LINGO2: variants seen among roughly 807,000 people sequenced by gnomAD.
LINGO2 encodes leucine rich repeat and Ig domain containing 2.
Under a neutral mutation model 30.6 loss-of-function variants are expected in LINGO2, and 14 were observed. The observed-to-expected ratio is 0.46, with a 90% CI of 0.30 to 0.72. The LOEUF (loss-of-function observed/expected upper bound fraction) is 0.72. Among genes scored for constraint, LINGO2 ranks in the 30% least tolerant of loss-of-function variants. LINGO2 has a pLI of 0.07. For synonymous variants in LINGO2, 317 were observed against 288.5 expected (o/e 1.10, Z -1.00); for missense variants, 729 against 751.7 (o/e 0.97, Z 0.35).
intron 2 of LINGO2, among the ~76,000 whole-genome samples, chr9:28,454,765 G>T (rs941065936): frequency 6.6e-6 from 1 of 151,896 alleles, no homozygotes; most frequent in African/African-American, 2.4e-5. Context: ...TTTTGCACTT[G>T]ACAGATATCA....
the LINGO2 span, among the ~76,000 whole-genome samples, chr9:28,784,483 C>A: frequency 1.3e-5 from 2 of 152,046 alleles, no homozygotes; most frequent in African/African-American, 4.8e-5. Context: ...ATCAATACAA[C>A]GGGCATGCTA....
At chr9:29,126,671 C>T in the LINGO2 span, among the ~76,000 whole-genome samples, 2 of 151,820 alleles carry the variant, frequency 1.3e-5, no homozygotes, top group Non-Finnish European at 2.9e-5. Flanking sequence ...GTAGCTTAGA[C>T]AATATGGGAA....
the LINGO2 span, among the ~76,000 whole-genome samples, chr9:28,939,171 GGCTACTTAA>G: frequency 0.018 from 1,259 of 68,812 alleles, 12 homozygotes; most frequent in Non-Finnish European, 0.029. Flanking sequence ...GCAGTTCGAA[GGCTACTTAA>G]GCTACTTAAG....
chr9:28,840,494 C>T, the LINGO2 span, among the ~76,000 whole-genome samples: 49 of 152,020 alleles, frequency 3.2e-4, no homozygotes, highest in Non-Finnish European at 5.4e-4. Flanking sequence ...ATCCCCTCCA[C>T]TGACTTCATT....
At chr9:28,254,419 C>T (rs1193142149) in intron 4 of LINGO2, among the ~76,000 whole-genome samples, 1 of 152,034 alleles carries the variant, frequency 6.6e-6, no homozygotes, top group African/African-American at 2.4e-5. Context: ...TACAATATCA[C>T]ATTTTTCAGA....
At chr9:27,947,800 A>G (rs1823425455), downstream of LINGO2, among the ~76,000 whole-genome samples, 1 of 152,208 alleles carries the variant, frequency 6.6e-6, no homozygotes, top group South Asian at 2.1e-4. Context: ...TTATTCAGAG[A>G]GCTTTTGAAC....
chr9:28,578,594 G>T (rs1009266740), intron 1 of LINGO2, among the ~76,000 whole-genome samples: 1 of 152,030 alleles, frequency 6.6e-6, no homozygotes, highest in Non-Finnish European at 1.5e-5. Flanking sequence ...CAGTTTCCTT[G>T]CTGTTAAACA....
intron 4 of LINGO2, among the ~76,000 whole-genome samples, chr9:28,053,152 T>C (rs539360995): frequency 6.6e-6 from 1 of 152,164 alleles, no homozygotes; most frequent in South Asian, 2.1e-4. Flanking sequence ...AGAATTTGAC[T>C]TGGATTCAAG....
chr9:28,849,192 A>C, the LINGO2 span, among the ~76,000 whole-genome samples: 1 of 152,016 alleles, frequency 6.6e-6, no homozygotes, highest in Non-Finnish European at 1.5e-5. Flanking sequence ...TAAAACTTAC[A>C]CACAACAAAA....
the LINGO2 span, among the ~76,000 whole-genome samples, chr9:29,084,966 G>C: frequency 1.3e-4 from 19 of 151,198 alleles, no homozygotes; most frequent in Admixed American, 4.0e-4. Flanking sequence ...CAAGTACAAG[G>C]TCAACTACAC....
the LINGO2 span, among the ~76,000 whole-genome samples, chr9:28,780,954 G>C: frequency 2.0e-5 from 3 of 150,794 alleles, no homozygotes; most frequent in South Asian, 2.1e-4. Context: ...GGAGAGAGTA[G>C]GAAATTACAG....
In LINGO2 at chr9:28,148,438, G is replaced by A. The variant is rs1827880649; in HGVS notation, c.-86-136033C>T. 7 of 1,357,840 alleles carry A rather than the reference G, an allele frequency of 5.2e-6. No individual in the cohort carries two copies. Among genetic ancestry groups the A allele is most frequent in the African/African-American group, 1.4e-5 (1 of 69,604 alleles). 84.1% of individuals were successfully genotyped at this position (1,357,840 alleles called of 1,614,324 possible). A position where few individuals can be genotyped will look rare whatever the true frequency, so the allele number is the denominator to read the frequency against. ...CAGCCAGGCTCCCGAAGATGGAGGT[G>A]AGGGCAGAAGAGCCCAGAGAAGCAA... On this transcript the variant is annotated intron_variant, in intron 4 of 5. Coordinates refer to ENST00000379992, the Ensembl canonical transcript of LINGO2. This position sits in a 1 kb window ranked among gnomAD's most constrained non-coding sequence, Gnocchi z 5.1.
At chr9:28,450,147 G>C (rs1200732033) in intron 2 of LINGO2, among the ~76,000 whole-genome samples, 1 of 151,850 alleles carries the variant, frequency 6.6e-6, no homozygotes, top group Non-Finnish European at 1.5e-5. Context: ...TTGTTCTTTG[G>C]GCTGTCAACT....
chr9:29,137,272 T>C, the LINGO2 span, among the ~76,000 whole-genome samples: 2 of 152,178 alleles, frequency 1.3e-5, no homozygotes, highest in African/African-American at 4.8e-5. Flanking sequence ...TCATCAGTAA[T>C]TTGCAGGATA....
At chr9:28,473,638 G>T (rs1825616776) in intron 2 of LINGO2, among the ~76,000 whole-genome samples, 1 of 152,054 alleles carries the variant, frequency 6.6e-6, no homozygotes, top group South Asian at 2.1e-4. Flanking sequence ...GAAGAAAGGT[G>T]CCCATGTATG....
At chr9:28,767,749 G>A in the LINGO2 span, among the ~76,000 whole-genome samples, 1 of 132,224 alleles carries the variant, frequency 7.6e-6, no homozygotes, top group Admixed American at 9.5e-5. Context: ...TCGCGCCACT[G>A]CACTCCAGCC....
the LINGO2 span, among the ~76,000 whole-genome samples, chr9:28,723,045 T>A: frequency 6.6e-6 from 1 of 152,254 alleles, no homozygotes; most frequent in African/African-American, 2.4e-5. Flanking sequence ...AACTTGAGCA[T>A]GATTCTTTTT....
At chr9:28,979,095 T>C in the LINGO2 span, among the ~76,000 whole-genome samples, 3 of 152,114 alleles carry the variant, frequency 2.0e-5, no homozygotes, top group African/African-American at 4.8e-5. Context: ...TAATCTTTTT[T>C]TATCTCTTCC....
chr9:28,137,908 C>T (rs1486031832), intron 4 of LINGO2, among the ~76,000 whole-genome samples: 3 of 152,090 alleles, frequency 2.0e-5, no homozygotes, highest in Non-Finnish European at 4.4e-5. Context: ...TTGATTGTTC[C>T]ATGAGTTATA....
Sources: gnomAD v4.1 joint callset for allele counts (sites outside exome capture counted in the v4.1 genomes callset) on GRCh38, gnomAD v4.1.1 for gene constraint, Gnocchi (gnomAD v3.1) non-coding constraint, MANE v1.5 for transcripts, NCBI Gene and HGNC (gene_info 2026-07-23, HGNC 2026-07-21) for gene names.